Variants in DEFB124 observed in about 807,000 individuals in gnomAD.
DEFB124 encodes beta-defensin 124.
For synonymous variants in DEFB124, 38 were observed against 36.5 expected, an observed-to-expected ratio of 1.04 and a Z score of -0.15; for missense variants, 78 against 83.1, an observed-to-expected ratio of 0.94 and a Z score of 0.24.
At chr20:31,468,773 C>A (rs1600565894) in intron 2 of DEFB124, among the ~76,000 whole-genome samples, 2 of 152,056 alleles carry the variant, frequency 1.3e-5, no homozygotes, top group Admixed American at 6.5e-5. Flanking sequence ...CCGCGCCCGG[C>A]CAGGGTTCTT....
chr20:31,471,462 A>AC lies in DEFB124; in HGVS notation c.58+1493dup, dbSNP rs1219332433. Among the ~76,000 whole-genome samples the AC allele has an allele frequency of 7.4e-4, 31 of 41,654 alleles. 3 individuals carry two copies. The highest frequency in any genetic ancestry group is 3.0e-3 in the African/African-American group (26 of 8,620). The allele number at this position is 41,654 out of a possible 152,430, so 27.3% of individuals were successfully genotyped here. ...GGGCGGCTGGCCGGGCGGGGGACTG[A>AC]CCCCCCCCACCTCCCTCCCGGACGG... On this transcript the variant is annotated intron_variant, in intron 2 of 2. Coordinates refer to ENST00000317676, the MANE Select transcript of DEFB124 (RefSeq NM_001037500.2).
At chr20:31,470,515 C>G (rs1600567590) in intron 2 of DEFB124, among the ~76,000 whole-genome samples, 1 of 129,050 alleles carries the variant, frequency 7.7e-6, no homozygotes, top group Non-Finnish European at 1.7e-5. Flanking sequence ...TGGGCAGAGG[C>G]GCCCCTCACT....
In DEFB124 at chr20:31,474,895, C is replaced by G. The variant is rs1267977743; in HGVS notation, c.-294G>C. ...TCACTTGGGGCACTTGTTTAAAACGCAGATTCCCGAACCCCTCCCCCAGCA... is the reference window on the plus strand; with the variant it reads ...TCACTTGGGGCACTTGTTTAAAACGGAGATTCCCGAACCCCTCCCCCAGCA... On this transcript the variant is annotated 5_prime_UTR_variant, in exon 1 of 3. Coordinates refer to ENST00000317676, the MANE Select transcript of DEFB124 (RefSeq NM_001037500.2). Among the ~76,000 whole-genome samples the G allele has an allele frequency of 6.6e-6, 1 of 152,236 alleles. No homozygotes were observed. Among genetic ancestry groups the G allele is most frequent in the Non-Finnish European group, 1.5e-5 (1 of 68,046 alleles).
intron 2 of DEFB124, among the ~76,000 whole-genome samples, chr20:31,471,339 G>GT (rs1980291576): frequency 2.4e-5 from 1 of 41,952 alleles, no homozygotes. Context: ...CCTCCCGGAC[G>GT]GGGCGGCTGG....
chr20:31,467,237 C>G (rs1416764263), intron 2 of DEFB124, among the ~76,000 whole-genome samples: 1 of 152,204 alleles, frequency 6.6e-6, no homozygotes, highest in Non-Finnish European at 1.5e-5. Context: ...CCCATGTAAT[C>G]CTCAAATGAT....
At chr20:31,470,660 A>C (rs867067647) in intron 2 of DEFB124, among the ~76,000 whole-genome samples, 2,220 of 19,846 alleles carry the variant, frequency 0.11, 2 homozygotes, top group African/African-American at 0.29. Flanking sequence ...GGGGGGCTGA[A>C]CCCCCCACCT....
intron 2 of DEFB124, 130 bp from the exon 3 acceptor site, chr20:31,465,793 A>C: frequency 9.3e-7 from 1 of 1,072,042 alleles, no homozygotes; most frequent in Non-Finnish European, 1.4e-6. Context: ...TTAGATCACT[A>C]GTCACAGATG....
At chr20:31,470,420 G>A (rs1372603896) in intron 2 of DEFB124, among the ~76,000 whole-genome samples, 37 of 138,798 alleles carry the variant, frequency 2.7e-4, no homozygotes, top group East Asian at 8.8e-4. Context: ...GCGGCTGGCC[G>A]GGCGGGGGGC....
At chr20:31,472,829 T>C in intron 2 of DEFB124, 127 bp downstream of exon 2, 1 of 1,215,162 alleles carries the variant, frequency 8.2e-7, no homozygotes, top group Non-Finnish European at 1.1e-6. Context: ...ACCAAGTCAG[T>C]GGTGGGGCCA....
chr20:31,471,290 G>A (rs2122454256), intron 2 of DEFB124, among the ~76,000 whole-genome samples: 1 of 127,676 alleles, frequency 7.8e-6, no homozygotes. Flanking sequence ...CTCCCGGACG[G>A]GGCGGCTGGC....
chr20:31,470,606 ACCC>A (rs746201611), intron 2 of DEFB124, among the ~76,000 whole-genome samples: 4 of 24,342 alleles, frequency 1.6e-4, no homozygotes, highest in Non-Finnish European at 2.9e-4. Flanking sequence ...CGGGGGGCTG[ACCC>A]CCCCCCCCAC....
intron 2 of DEFB124, among the ~76,000 whole-genome samples, chr20:31,468,188 G>A (rs1294652733): frequency 6.6e-6 from 1 of 152,022 alleles, no homozygotes; most frequent in Non-Finnish European, 1.5e-5. Context: ...TTTCCTTTGT[G>A]CTCCCCCCGC....
chr20:31,470,839 C>G (rs1980253555), intron 2 of DEFB124, among the ~76,000 whole-genome samples: 2 of 143,704 alleles, frequency 1.4e-5, no homozygotes, highest in Admixed American at 6.8e-5. Context: ...GTGCTGATCC[C>G]CCCACCTCCC....
chr20:31,470,683 G>A (rs1600567951), intron 2 of DEFB124, among the ~76,000 whole-genome samples: 1 of 140,976 alleles, frequency 7.1e-6, no homozygotes, highest in Non-Finnish European at 1.6e-5. Context: ...CTCCCGGACA[G>A]GGCGGCTGGC....
chr20:31,467,110 T>G (rs977043287), intron 2 of DEFB124, among the ~76,000 whole-genome samples: 2 of 152,124 alleles, frequency 1.3e-5, no homozygotes, highest in Non-Finnish European at 2.9e-5. Flanking sequence ...GACTGTTAAA[T>G]GACATTTCTG....
intron 2 of DEFB124, among the ~76,000 whole-genome samples, chr20:31,469,174 G>C (rs1980159780): frequency 6.6e-6 from 1 of 152,132 alleles, no homozygotes; most frequent in Non-Finnish European, 1.5e-5. Flanking sequence ...TGTAATCCTA[G>C]CAATTTGGGA....
intron 1 of DEFB124, among the ~76,000 whole-genome samples, chr20:31,473,655 C>T (rs1342367145): frequency 2.0e-5 from 3 of 152,160 alleles, no homozygotes; most frequent in African/African-American, 7.2e-5. Context: ...TACCCCAAAC[C>T]TACTGAATTC....
At chr20:31,470,720 C>T (rs1980246148) in intron 2 of DEFB124, among the ~76,000 whole-genome samples, 1 of 137,420 alleles carries the variant, frequency 7.3e-6, no homozygotes, top group African/African-American at 2.7e-5. Context: ...TCCCCCACCT[C>T]CCTCCCGGAC....
intron 2 of DEFB124, among the ~76,000 whole-genome samples, chr20:31,468,400 A>G (rs6119402): frequency 0.058 from 8,809 of 152,318 alleles, 718 homozygotes; most frequent in African/African-American, 0.19. Context: ...AGGGAAGTGA[A>G]TAACAAAACA....
Sources: gnomAD v4.1 joint callset for allele counts (sites outside exome capture counted in the v4.1 genomes callset) on GRCh38, gnomAD v4.1.1 for gene constraint, MANE v1.5 for transcripts, NCBI Gene and HGNC (gene_info 2026-07-23, HGNC 2026-07-21) for gene names.